NF1: variants seen among roughly 807,000 people sequenced by gnomAD.
NF1 encodes neurofibromin 1.
A neutral mutation model predicts 325.7 loss-of-function variants in NF1; 122 were observed. The ratio of observed to expected loss-of-function variants is 0.37; its 90% CI spans 0.32 to 0.44. NF1 has a LOEUF of 0.44. Among genes scored for constraint, NF1 ranks in the 20% least tolerant of loss-of-function variants. The pLI is 1.00. For missense variants in NF1, 2,140 were observed against 3,415.4 expected, an observed-to-expected ratio of 0.63 and a Z score of 9.31; for synonymous variants, 1,091 against 1,186.0, an observed-to-expected ratio of 0.92 and a Z score of 1.65.
At chr17:31,199,712 T>A (rs543389065) in intron 8 of NF1, among the ~76,000 whole-genome samples, 5 of 152,328 alleles carry the variant, frequency 3.3e-5, no homozygotes, top group African/African-American at 1.2e-4. Context: ...AATATATTCT[T>A]ATTTAGAAGG....
At chr17:31,212,880 C>T (rs552000688) in intron 12 of NF1, among the ~76,000 whole-genome samples, 1 of 152,234 alleles carries the variant, frequency 6.6e-6, no homozygotes, top group South Asian at 2.1e-4. Context: ...GCTTGGACAT[C>T]ACGATGGCTA....
intron 5 of NF1, among the ~76,000 whole-genome samples, chr17:31,174,830 G>T (rs1178668466): frequency 6.6e-6 from 1 of 152,026 alleles, no homozygotes; most frequent in Non-Finnish European, 1.5e-5. Flanking sequence ...TCAAAAATAG[G>T]CCAGGCACAG....
intron 36 of NF1, among the ~76,000 whole-genome samples, chr17:31,309,744 CAGGTTAGTTTG>C (rs949433395): frequency 6.6e-6 from 1 of 152,130 alleles, no homozygotes; most frequent in African/African-American, 2.4e-5. Flanking sequence ...ATTTTAAACC[CAGGTTAGTTTG>C]TAAGATCAAT....
Position 31,356,495 on chromosome 17 carries a change from A to G in NF1, c.7651A>G (p.Thr2551Ala), listed in dbSNP as rs2151581089. 6.2e-7 allele frequency: 1 copy of G among 1,613,840 alleles called. No homozygotes were observed. The highest frequency in any genetic ancestry group is 8.5e-7 in the Non-Finnish European group (1 of 1,179,796). Residue 2551 changes from threonine (T) to alanine (A), a missense_variant, in exon 52 of 58, where the codon ACA becomes GCA. Coordinates refer to ENST00000358273, the MANE Select transcript of NF1 (RefSeq NM_001042492.3). ...RKSFDHLISD[T>A]KAPKRQEMES... ...AAGTTTTGATCACTTGATATCAGAC[A>G]CAAAGGCTCCTAAAAGGCAAGAAAT...
intron 20 of NF1, among the ~76,000 whole-genome samples, chr17:31,228,700 C>T (rs936389099): frequency 7.2e-5 from 11 of 152,022 alleles, no homozygotes; most frequent in African/African-American, 1.9e-4. Context: ...TTGCCTATTC[C>T]GGATATATTC....
At chr17:31,116,514 G>A (rs1306547208) in intron 1 of NF1, among the ~76,000 whole-genome samples, 4 of 152,066 alleles carry the variant, frequency 2.6e-5, no homozygotes, top group Non-Finnish European at 4.4e-5. Flanking sequence ...AGGAAATCTT[G>A]AGAGACTTGA....
At chr17:31,126,657 G>T (rs1463205843) in intron 1 of NF1, among the ~76,000 whole-genome samples, 1 of 151,940 alleles carries the variant, frequency 6.6e-6, no homozygotes, top group Non-Finnish European at 1.5e-5. Flanking sequence ...CCCCAGGCTG[G>T]TCTTGAATTC....
chr17:31,227,580 C>T lies in NF1; in HGVS notation c.2383C>T (p.Pro795Ser), dbSNP rs761023505. 1 of 1,613,778 alleles carries T rather than the reference C, an allele frequency of 6.2e-7. No individual in the cohort carries two copies. The highest frequency in any genetic ancestry group is 1.1e-5 in the South Asian group (1 of 91,076). Reference sequence around the variant, plus strand: ...AGCAACAAAGCTAATCCTTAACTATCCAAAAGCCAAAATGGAAGATGGCCA... The same window carrying T: ...AGCAACAAAGCTAATCCTTAACTATTCAAAAGCCAAAATGGAAGATGGCCA... ...EQATKLILNY[P>S]KAKMEDGQAA... is the part of the protein sequence containing the mutation. Residue 795 changes from proline (P) to serine (S), a missense_variant, in exon 20 of 58, where the codon CCA becomes TCA. Around this residue, in one of 10 missense-constraint regions of NF1, gnomAD observed 380 missense variants for 639.3 expected, o/e 0.59. Coordinates refer to ENST00000358273, the MANE Select transcript of NF1 (RefSeq NM_001042492.3).
chr17:31,197,651 T>G (rs2066457833), intron 8 of NF1, among the ~76,000 whole-genome samples: 1 of 152,200 alleles, frequency 6.6e-6, no homozygotes, highest in African/African-American at 2.4e-5. Flanking sequence ...TGTGCTGATT[T>G]TGTATTCTGT....
intron 50 of NF1, 100 bp downstream of exon 50, chr17:31,350,418 G>A (rs2070111533): frequency 6.3e-6 from 6 of 955,768 alleles, no homozygotes; most frequent in Non-Finnish European, 8.2e-6. Context: ...GGTAACATGG[G>A]AGAAATCTAG....
intron 36 of NF1, among the ~76,000 whole-genome samples, chr17:31,279,659 A>G (rs576792372): frequency 1.3e-5 from 2 of 152,066 alleles, no homozygotes; most frequent in African/African-American, 4.8e-5. Context: ...AAGACAGGCC[A>G]TTGTTATGAG....
At chr17:31,157,586 T>C (rs1471854699) in intron 2 of NF1, among the ~76,000 whole-genome samples, 2 of 152,168 alleles carry the variant, frequency 1.3e-5, no homozygotes, top group Non-Finnish European at 2.9e-5. Flanking sequence ...CTAGGGTAAT[T>C]AGCATATCCA....
At chr17:31,140,052 A>C (rs1426201076) in intron 1 of NF1, among the ~76,000 whole-genome samples, 1 of 152,194 alleles carries the variant, frequency 6.6e-6, no homozygotes, top group African/African-American at 2.4e-5. Flanking sequence ...GCAAGCATGT[A>C]CTAATTGCCT....
chr17:31,180,113 C>T (rs540649194), intron 5 of NF1, among the ~76,000 whole-genome samples: 34 of 152,224 alleles, frequency 2.2e-4, no homozygotes, highest in African/African-American at 7.9e-4. Flanking sequence ...AATTAATAGC[C>T]TACCAACCAA....
intron 8 of NF1, among the ~76,000 whole-genome samples, chr17:31,194,024 AT>A (rs1186677296): frequency 1.3e-5 from 2 of 152,210 alleles, no homozygotes; most frequent in Non-Finnish European, 2.9e-5. Flanking sequence ...TGATCCAACA[AT>A]TCATTACTGG....
intron 12 of NF1, among the ~76,000 whole-genome samples, chr17:31,207,966 AT>A (rs1483149914): frequency 2.6e-5 from 4 of 152,076 alleles, no homozygotes; most frequent in Non-Finnish European, 5.9e-5. Flanking sequence ...GCTGCCCATA[AT>A]TTTCTGTGAA....
intron 47 of NF1, among the ~76,000 whole-genome samples, chr17:31,341,851 G>C (rs941960676): frequency 6.6e-6 from 1 of 151,994 alleles, no homozygotes; most frequent in South Asian, 2.1e-4. Flanking sequence ...ATGAAATTAC[G>C]TCCCTTTTGT....
chr17:31,269,115 A>G (rs1401586088), intron 36 of NF1, among the ~76,000 whole-genome samples: 3 of 151,914 alleles, frequency 2.0e-5, no homozygotes, highest in Non-Finnish European at 4.4e-5. Context: ...TCTGTGTCTT[A>G]CCTATACTAA....
intron 36 of NF1, among the ~76,000 whole-genome samples, chr17:31,300,541 A>G (rs1463727244): frequency 6.6e-6 from 1 of 152,018 alleles, no homozygotes; most frequent in African/African-American, 2.4e-5. Flanking sequence ...GGCTTATTCA[A>G]CCAGTCCCCT....
Sources: gnomAD v4.1 joint callset for allele counts (sites outside exome capture counted in the v4.1 genomes callset) on GRCh38, gnomAD v4.1.1 for gene constraint, gnomAD v4.1.1 regional missense constraint, MANE v1.5 for transcripts, NCBI Gene and HGNC (gene_info 2026-07-23, HGNC 2026-07-21) for gene names.